The following ATRNL1 variants were observed in gnomAD, a reference collection of about 807,000 sequenced individuals.
ATRNL1 encodes the protein attractin like 1.
In ATRNL1, 95 loss-of-function variants were observed where a neutral mutation model predicts 182.7. The ratio of observed to expected loss-of-function variants is 0.52; its 90% CI spans 0.44 to 0.62. The LOEUF (loss-of-function observed/expected upper bound fraction) is 0.62, where lower values mean the gene tolerates loss of function less well. ATRNL1 is among the 20% of genes least tolerant of loss of function. The pLI, the probability that ATRNL1 is intolerant of heterozygous loss-of-function variation, is 0.00. For synonymous variants in ATRNL1, 576 were observed against 568.3 expected, an observed-to-expected ratio of 1.01 and a Z score of -0.19; for missense variants, 1,471 against 1,679.5, an observed-to-expected ratio of 0.88 and a Z score of 2.17.
rs190948707 is a variant in ATRNL1, at chr10:115,471,117, A to T, written c.3654+1788A>T. On this transcript the variant is annotated intron_variant, in intron 24 of 28. Transcript: ENST00000355044. Reference sequence around the variant, plus strand: ...TTTCTTCTATGTTGTCACAAATAGCAAGATTTCCTGCTTTTTAAAGGCTTA... The same window carrying T: ...TTTCTTCTATGTTGTCACAAATAGCTAGATTTCCTGCTTTTTAAAGGCTTA... Among the ~76,000 whole-genome samples, 23 of 150,848 alleles carry T rather than the reference A, an allele frequency of 1.5e-4. No homozygotes were observed. In the East Asian group the frequency reaches 1.6e-3, roughly 10 times the overall value.
At chr10:115,450,169 A>G (rs1399402954) in intron 21 of ATRNL1, among the ~76,000 whole-genome samples, 1 of 152,194 alleles carries the variant, frequency 6.6e-6, no homozygotes, top group Non-Finnish European at 1.5e-5. Flanking sequence ...ACCCACAGCC[A>G]ATAACATACT....
intron 26 of ATRNL1, among the ~76,000 whole-genome samples, chr10:115,587,732 A>C (rs892144003): frequency 7.1e-6 from 1 of 141,772 alleles, no homozygotes; most frequent in Non-Finnish European, 1.5e-5. Flanking sequence ...CCTCACTCTC[A>C]CTGGGAGCTG....
At chr10:115,100,928 A>T (rs1746272666) in intron 1 of ATRNL1, among the ~76,000 whole-genome samples, 1 of 152,200 alleles carries the variant, frequency 6.6e-6, no homozygotes, top group African/African-American at 2.4e-5. Context: ...TCTAGTCAAT[A>T]GATCTTGCAC....
At chr10:115,482,188 A>C (rs114273031) in intron 24 of ATRNL1, among the ~76,000 whole-genome samples, 126 of 151,224 alleles carry the variant, frequency 8.3e-4, no homozygotes, top group African/African-American at 2.9e-3. Context: ...ATATAATGTT[A>C]CTAGAATCAC....
chr10:115,509,680 TTTATAAA>T (rs1554982176), intron 24 of ATRNL1, among the ~76,000 whole-genome samples: 1 of 152,008 alleles, frequency 6.6e-6, no homozygotes, highest in Non-Finnish European at 1.5e-5. Context: ...GCCCCTTTTC[TTTATAAA>T]TTACCTGGTC....
At chr10:115,743,238 T>TTAAAAA (rs373811994) in intron 27 of ATRNL1, among the ~76,000 whole-genome samples, 5 of 115,988 alleles carry the variant, frequency 4.3e-5, no homozygotes, top group African/African-American at 1.3e-4. Flanking sequence ...TCTCTTATAG[T>TTAAAAA]AAAAAAAAAA....
At position 115,738,126 on chromosome 10, in the gene ATRNL1, A is replaced by ATTTTTTTTTTTTTTTTT. The variant is rs10546896; in HGVS notation, c.3903+10785_3903+10801dup. 2.1e-3 allele frequency among the ~76,000 whole-genome samples: 99 copies of ATTTTTTTTTTTTTTTTT among 47,100 alleles called. 2 individuals carry two copies. The highest frequency in any genetic ancestry group is 2.7e-3 in the Non-Finnish European group (66 of 24,178). The allele number at this position is 47,100 out of a possible 152,430, so 30.9% of individuals were successfully genotyped here. On this transcript the variant is annotated intron_variant, in intron 27 of 28. Transcript: ENST00000355044. The stretch of plus-strand genomic sequence containing the variant: ...ATAAAAAATGATTTAGAAGATAATG[A>ATTTTTTTTTTTTTTTTT]TTTTTTTTTTTTTTTTTTTTTTTTT...
At chr10:115,645,176 T>C (rs193176980) in intron 26 of ATRNL1, among the ~76,000 whole-genome samples, 24 of 152,122 alleles carry the variant, frequency 1.6e-4, no homozygotes, top group African/African-American at 5.8e-4. Flanking sequence ...TGTTCAACAA[T>C]AGAAGGGTAT....
At chr10:115,136,974 T>G (rs1845541748) in intron 5 of ATRNL1, among the ~76,000 whole-genome samples, 1 of 152,214 alleles carries the variant, frequency 6.6e-6, no homozygotes, top group African/African-American at 2.4e-5. Context: ...AGAGCAATTT[T>G]TATAACACAT....
chr10:115,274,176 C>T (rs1301149316), intron 13 of ATRNL1, among the ~76,000 whole-genome samples: 1 of 152,196 alleles, frequency 6.6e-6, no homozygotes, highest in Non-Finnish European at 1.5e-5. Context: ...TTTCACGTAC[C>T]ATTGCACCTG....
intron 28 of ATRNL1, among the ~76,000 whole-genome samples, chr10:115,897,197 T>C (rs1589662208): frequency 1.3e-5 from 2 of 152,196 alleles, no homozygotes; most frequent in East Asian, 3.8e-4. Context: ...ATATATTCAA[T>C]CTTGCTAATA....
intron 26 of ATRNL1, among the ~76,000 whole-genome samples, chr10:115,577,610 TTGTGTGTG>T (rs3981280): frequency 0.013 from 1,787 of 134,988 alleles, 15 homozygotes; most frequent in Middle Eastern, 0.029. Context: ...TTCTAACAGG[TTGTGTGTG>T]TGTGTGTGTG....
At chr10:115,481,031 C>T (rs1028393966) in intron 24 of ATRNL1, among the ~76,000 whole-genome samples, 1 of 150,458 alleles carries the variant, frequency 6.6e-6, no homozygotes, top group Non-Finnish European at 1.5e-5. Context: ...TTTATAAAGT[C>T]ATTAATTATA....
At chr10:115,462,506 G>T (rs1554969944) in intron 22 of ATRNL1, among the ~76,000 whole-genome samples, 1 of 152,036 alleles carries the variant, frequency 6.6e-6, no homozygotes, top group East Asian at 1.9e-4. Context: ...CAGCTACTGA[G>T]GAGGCTGAGG....
intron 19 of ATRNL1, among the ~76,000 whole-genome samples, chr10:115,350,109 G>C (rs1229902796): frequency 6.6e-6 from 1 of 151,828 alleles, no homozygotes; most frequent in Non-Finnish European, 1.5e-5. Context: ...AGGCTGAGGT[G>C]GGCAGATCAT....
At chr10:115,859,373 C>T (rs193095777) in intron 28 of ATRNL1, among the ~76,000 whole-genome samples, 1 of 150,298 alleles carries the variant, frequency 6.7e-6, no homozygotes, top group East Asian at 2.0e-4. Flanking sequence ...CTCATATTAC[C>T]CCTCCCTCAT....
At chr10:115,468,496 T>C (rs1848161603) in intron 23 of ATRNL1, among the ~76,000 whole-genome samples, 1 of 150,840 alleles carries the variant, frequency 6.6e-6, no homozygotes, top group Non-Finnish European at 1.5e-5. Flanking sequence ...TTATTTTTAC[T>C]ATTGATTAAG....
chr10:115,351,183 A>G (rs1170650315), intron 19 of ATRNL1, among the ~76,000 whole-genome samples: 4 of 152,146 alleles, frequency 2.6e-5, no homozygotes, highest in Non-Finnish European at 4.4e-5. Context: ...AGATCATATC[A>G]TCTGTAAACA....
intron 26 of ATRNL1, among the ~76,000 whole-genome samples, chr10:115,551,131 A>G (rs1554995445): frequency 6.6e-6 from 1 of 151,676 alleles, no homozygotes; most frequent in Admixed American, 6.6e-5. Flanking sequence ...TTTGAGCCCT[A>G]TAAATGTTTA....
Sources: gnomAD v4.1 joint callset for allele counts (sites outside exome capture counted in the v4.1 genomes callset) on GRCh38, gnomAD v4.1.1 for gene constraint, MANE v1.5 for transcripts, NCBI Gene and HGNC (gene_info 2026-07-23, HGNC 2026-07-21) for gene names.